LGR4: variants seen among roughly 807,000 people sequenced by gnomAD.
LGR4 encodes leucine-rich repeat-containing G protein-coupled receptor 4.
In LGR4, 44 loss-of-function variants were observed where a neutral mutation model predicts 84.8. The observed-to-expected ratio is 0.52, with a 90% CI of 0.41 to 0.67. The LOEUF (loss-of-function observed/expected upper bound fraction) is 0.67. Ranked by LOEUF, LGR4 falls within the 30% of genes least tolerant of loss-of-function variation. The probability of loss-of-function intolerance (pLI) is 0.00; values close to 1 mark genes in which losing one functional copy is unlikely to be tolerated. For missense variants in LGR4, 1,032 were observed against 1,131.4 expected (o/e 0.91, Z 1.26); for synonymous variants, 429 against 434.3 (o/e 0.99, Z 0.15).
chr11:27,377,326 A>C, intron 11 of LGR4, 103 bp from the exon 12 acceptor site: 2 of 583,604 alleles, frequency 3.4e-6, no homozygotes, highest in Non-Finnish European at 3.0e-6. Flanking sequence ...ATAAGTAATA[A>C]AGAGATATGC....
chr11:27,427,804 C>T (rs1432339585), intron 1 of LGR4, among the ~76,000 whole-genome samples: 1 of 152,174 alleles, frequency 6.6e-6, no homozygotes, highest in African/African-American at 2.4e-5. Context: ...CACCGAATTC[C>T]CTTATTAGAG....
intron 17 of LGR4, among the ~76,000 whole-genome samples, chr11:27,370,700 C>T (rs888760804): frequency 1.3e-5 from 2 of 152,142 alleles, no homozygotes; most frequent in Non-Finnish European, 2.9e-5. Context: ...GAAATGGAAA[C>T]GCTGCATGTT....
chr11:27,387,525 G>T (rs1270036437), intron 4 of LGR4, among the ~76,000 whole-genome samples: 2 of 152,116 alleles, frequency 1.3e-5, no homozygotes, highest in Non-Finnish European at 2.9e-5. Context: ...TTAGGCAAAG[G>T]AAAGAGCCAC....
intron 1 of LGR4, among the ~76,000 whole-genome samples, chr11:27,417,623 C>T (rs930993994): frequency 6.6e-6 from 1 of 152,118 alleles, no homozygotes; most frequent in Non-Finnish European, 1.5e-5. Flanking sequence ...TTTCTCCCCA[C>T]CTTTTTATGA....
At chr11:27,388,253 A>G (rs1194798698) in intron 4 of LGR4, among the ~76,000 whole-genome samples, 1 of 152,168 alleles carries the variant, frequency 6.6e-6, no homozygotes, top group African/African-American at 2.4e-5. Flanking sequence ...CACCCATAAG[A>G]GTAAAGAGTA....
chr11:27,434,192 T>G (rs1360378147), intron 1 of LGR4, among the ~76,000 whole-genome samples: 1 of 152,156 alleles, frequency 6.6e-6, no homozygotes, highest in Non-Finnish European at 1.5e-5. Flanking sequence ...GCCAGGACAG[T>G]GAGGGATCTG....
intron 12 of LGR4, among the ~76,000 whole-genome samples, chr11:27,376,742 C>T (rs911940025): frequency 2.0e-5 from 3 of 152,060 alleles, no homozygotes; most frequent in African/African-American, 4.8e-5. Context: ...TGACAAATAC[C>T]GTAGGAATAA....
At position 27,368,000 on chromosome 11, in the gene LGR4, T is replaced by G; in HGVS notation, c.2723A>C (p.Tyr908Ser). Reference protein sequence around the residue: ...DCGTQSAHSDYADEEDSFVSD... With the variant: ...DCGTQSAHSDSADEEDSFVSD... ...GACAAAGGAATCTTCTTCATCTGCA[T>G]AATCAGAGTGGGCCGACTGTGTGCC... Residue 908 changes from tyrosine to serine, a missense_variant, in exon 18 of 18, where the codon TAT (tyrosine) becomes TCT (serine). Transcript: ENST00000379214. 1 of 1,614,136 alleles carries G rather than the reference T, an allele frequency of 6.2e-7. No homozygotes were observed. The highest frequency in any genetic ancestry group is 1.3e-5 in the African/African-American group (1 of 75,068).
intron 4 of LGR4, among the ~76,000 whole-genome samples, chr11:27,385,914 T>C (rs1181114166): frequency 6.6e-6 from 1 of 152,094 alleles, no homozygotes. Context: ...CTACTCTGAT[T>C]CTGTACCAAA....
At position 27,373,345 on chromosome 11, in the gene LGR4, A is replaced by G. The variant is rs112795747; in HGVS notation, c.1379+206T>C. The G allele has an allele frequency of 1.5e-3, 659 of 438,982 alleles. 2 individuals carry two copies. The highest frequency in any genetic ancestry group is 2.4e-3 in the Admixed American group (69 of 28,312). The allele number at this position is 438,982 out of a possible 1,614,324, so 27.2% of individuals were successfully genotyped here. A position where few individuals can be genotyped will look rare whatever the true frequency, so the allele number is the denominator to read the frequency against. On this transcript the variant is annotated intron_variant, in intron 15 of 17. Transcript: ENST00000379214. The stretch of plus-strand genomic sequence containing the variant: ...ATAGCTGTATTATCTCTTTGAGGCC[A>G]TCAAGGGCTCCAGTTCACATTCTTA...
intron 12 of LGR4, among the ~76,000 whole-genome samples, 161 bp from the exon 13 acceptor site, chr11:27,376,531 A>C (rs551364848): frequency 6.6e-6 from 1 of 152,200 alleles, no homozygotes; most frequent in South Asian, 2.1e-4. Flanking sequence ...AAATTTAAAT[A>C]ACTATTCTTA....
At chr11:27,450,019 C>G (rs1302937006) in intron 1 of LGR4, among the ~76,000 whole-genome samples, 3 of 152,176 alleles carry the variant, frequency 2.0e-5, no homozygotes, top group Non-Finnish European at 4.4e-5. Context: ...GCTACATCTC[C>G]CTGAAAAACG....
chr11:27,402,101 G>A (rs973676542), intron 2 of LGR4, among the ~76,000 whole-genome samples: 1 of 152,124 alleles, frequency 6.6e-6, no homozygotes, highest in Non-Finnish European at 1.5e-5. Context: ...CGCCTTCCTG[G>A]CAGAGCCTAT....
intron 1 of LGR4, among the ~76,000 whole-genome samples, chr11:27,434,025 T>G (rs1016812000): frequency 6.6e-6 from 1 of 152,224 alleles, no homozygotes; most frequent in African/African-American, 2.4e-5. Context: ...ATATCTCCCC[T>G]ACCTCAGGGC....
intron 3 of LGR4, among the ~76,000 whole-genome samples, chr11:27,391,926 G>T (rs985163116): frequency 2.6e-5 from 4 of 152,140 alleles, no homozygotes; most frequent in African/African-American, 4.8e-5. Context: ...TGGCAGAAGT[G>T]GGGGCAGTCA....
intron 2 of LGR4, among the ~76,000 whole-genome samples, chr11:27,396,631 C>G (rs1027348005): frequency 6.6e-6 from 1 of 152,146 alleles, no homozygotes; most frequent in Admixed American, 6.5e-5. Context: ...AGCCACTTCC[C>G]ATTCCATGCC....
chr11:27,409,654 G>A (rs903745025), intron 2 of LGR4, among the ~76,000 whole-genome samples: 1 of 151,980 alleles, frequency 6.6e-6, no homozygotes, highest in Non-Finnish European at 1.5e-5. Flanking sequence ...ATCTGGCCTC[G>A]TCTCCTGACA....
rs1175155316 is a variant in LGR4 at position 27,430,963 on chromosome 11, G to C, written c.186-18103C>G. On this transcript the variant is annotated intron_variant, in intron 1 of 17. Transcript: ENST00000379214. ...CCACCTTTGCACTTGTTCTCTGCCT[G>C]GTCTATTCTTCCCTAGCTCTTCCCA... is the stretch of plus-strand genomic sequence containing the variant. 2.7e-5 allele frequency among the ~76,000 whole-genome samples: 4 copies of C among 150,152 alleles called. No homozygotes were observed. The East Asian group carries it at 7.8e-4, about 29-fold the overall frequency.
In LGR4 at chr11:27,464,672, G is replaced by A. The variant is rs187574628; in HGVS notation, c.185+7446C>T. Reference sequence around the variant, plus strand: ...TAGCTATGCCTAGTACAGCTCCAAGGTAAGGAGCTATCTCCCTGCCAAATT... The same window carrying A: ...TAGCTATGCCTAGTACAGCTCCAAGATAAGGAGCTATCTCCCTGCCAAATT... On this transcript the variant is annotated intron_variant, in intron 1 of 17. Coordinates refer to ENST00000379214, the MANE Select transcript of LGR4 (RefSeq NM_018490.5). 3.8e-3 allele frequency among the ~76,000 whole-genome samples: 578 copies of A among 152,214 alleles called. 5 individuals are homozygous for A. Among genetic ancestry groups the A allele is most frequent in the Middle Eastern group, 0.01 (3 of 294 alleles).
Sources: gnomAD v4.1 joint callset for allele counts (sites outside exome capture counted in the v4.1 genomes callset) on GRCh38, gnomAD v4.1.1 for gene constraint, MANE v1.5 for transcripts, NCBI Gene and HGNC (gene_info 2026-07-23, HGNC 2026-07-21) for gene names.